The following LARGE1 variants were observed in gnomAD, a reference collection of about 807,000 sequenced individuals.
The protein encoded by LARGE1 is LARGE xylosyl- and glucuronyltransferase 1.
LARGE1 carries 43 observed loss-of-function variants against 87.6 expected under a neutral mutation model. The observed-to-expected ratio is 0.49, with a 90% CI of 0.38 to 0.63. LARGE1 has a LOEUF of 0.63. Among genes scored for constraint, LARGE1 ranks in the 30% least tolerant of loss-of-function variants. LARGE1 has a pLI of 0.00. For synonymous variants in LARGE1, 434 were observed against 394.6 expected, an observed-to-expected ratio of 1.10 and a Z score of -1.18; for missense variants, 802 against 1,000.2, an observed-to-expected ratio of 0.80 and a Z score of 2.67.
At chr22:33,461,467 C>A (rs1423712690) in intron 6 of LARGE1, among the ~76,000 whole-genome samples, 7 of 151,826 alleles carry the variant, frequency 4.6e-5, no homozygotes, top group Admixed American at 4.6e-4. Flanking sequence ...AATGTTATGA[C>A]CTTTGGACAC....
intron 3 of LARGE1, among the ~76,000 whole-genome samples, chr22:33,645,319 C>T (rs2080573852): frequency 6.6e-6 from 1 of 152,092 alleles, no homozygotes; most frequent in Non-Finnish European, 1.5e-5. Flanking sequence ...CTTTGACAAA[C>T]CTGACAAAAA....
chr22:33,430,026 T>G (rs1326174364), intron 7 of LARGE1, among the ~76,000 whole-genome samples: 1 of 152,208 alleles, frequency 6.6e-6, no homozygotes. Context: ...CCCAGTCTCC[T>G]GCACAGACCT....
chr22:33,629,927 G>A (rs555128564), intron 3 of LARGE1, among the ~76,000 whole-genome samples: 6 of 152,250 alleles, frequency 3.9e-5, no homozygotes, highest in South Asian at 2.1e-4. Flanking sequence ...TGCTGTGCGC[G>A]GTGACTCATG....
chr22:33,203,145 AAGAG>A (rs202068561), intron 11 of LARGE1, among the ~76,000 whole-genome samples: 7 of 128,436 alleles, frequency 5.5e-5, no homozygotes, highest in South Asian at 2.6e-4. Context: ...ATGAGAGAGA[AAGAG>A]AGAGACAGAC....
At chr22:33,537,835 T>A (rs1255453478) in intron 6 of LARGE1, among the ~76,000 whole-genome samples, 1 of 152,118 alleles carries the variant, frequency 6.6e-6, no homozygotes, top group Non-Finnish European at 1.5e-5. Flanking sequence ...CCTCCCAAAG[T>A]GCTGGGATTA....
intron 6 of LARGE1, among the ~76,000 whole-genome samples, chr22:33,506,539 G>A (rs1009102971): frequency 1.3e-4 from 20 of 152,190 alleles, no homozygotes; most frequent in Non-Finnish European, 2.5e-4. Flanking sequence ...TCTTTCTTAC[G>A]TCAAAAGTGG....
At position 33,564,936 on chromosome 22, in the gene LARGE1, G is replaced by A; in HGVS notation, c.699C>T (p.Ala233=). The A allele has an allele frequency of 6.2e-7, 1 of 1,613,958 alleles. No homozygotes were observed. The highest frequency in any genetic ancestry group is 8.5e-7 in the Non-Finnish European group (1 of 1,179,822). The change falls in exon 6 of 15, where the codon GCC becomes GCT. Residue 233 remains alanine, a synonymous_variant. Coordinates refer to ENST00000397394, the MANE Select transcript of LARGE1 (RefSeq NM_133642.5). ...CAAGGACGATGACTCTCTCCAGGTT[G>A]GCAGGAAGAGTCTTGGTCAGGACAA... ...MKLVLTKTLP[A]NLERVIVLDT...
Position 33,872,523 on chromosome 22 carries a change from C to T in LARGE1, c.-83+47472G>A, listed in dbSNP as rs1165125761. Among the ~76,000 whole-genome samples the T allele has an allele frequency of 3.3e-5, 5 of 152,010 alleles. No homozygotes were observed. The East Asian group carries it at 7.7e-4, about 24-fold the overall frequency. On this transcript the variant is annotated intron_variant, in intron 1 of 14. Transcript: ENST00000397394. Reference sequence around the variant, plus strand: ...CCCATCATCACCACCAACACCGCCACCCCCCCAGCGACACACTAGCTGTGG... The same window carrying T: ...CCCATCATCACCACCAACACCGCCATCCCCCCAGCGACACACTAGCTGTGG...
intron 1 of LARGE1, among the ~76,000 whole-genome samples, chr22:33,782,821 C>T (rs537421643): frequency 3.3e-5 from 5 of 150,196 alleles, no homozygotes; most frequent in South Asian, 2.1e-4. Context: ...GCCAACATCA[C>T]GCCACTGCAC....
chr22:33,211,008 C>G (rs73885005), intron 11 of LARGE1, among the ~76,000 whole-genome samples: 4,588 of 152,282 alleles, frequency 0.03, 94 homozygotes, highest in Admixed American at 0.056. Context: ...CTGCATTGAG[C>G]AAGTCTATCG....
chr22:33,190,054 A>G (rs1482186670), intron 11 of LARGE1, among the ~76,000 whole-genome samples: 1 of 152,184 alleles, frequency 6.6e-6, no homozygotes, highest in Non-Finnish European at 1.5e-5. Flanking sequence ...AATATTTAAA[A>G]CTGACTTGAA....
chr22:33,371,332 C>T (rs187320726), intron 9 of LARGE1, among the ~76,000 whole-genome samples: 89 of 152,226 alleles, frequency 5.8e-4, no homozygotes, highest in African/African-American at 1.9e-3. Flanking sequence ...ATGGAAATAT[C>T]TTCGAAACTG....
chr22:33,239,477 C>T (rs1926401327), intron 11 of LARGE1, among the ~76,000 whole-genome samples: 1 of 151,576 alleles, frequency 6.6e-6, no homozygotes, highest in Non-Finnish European at 1.5e-5. Context: ...CCATATGTTT[C>T]CTCTGTGAAT....
intron 11 of LARGE1, among the ~76,000 whole-genome samples, chr22:33,263,285 C>T (rs1301764897): frequency 6.6e-6 from 1 of 152,226 alleles, no homozygotes; most frequent in Non-Finnish European, 1.5e-5. Context: ...CCTGCTGTAT[C>T]TCCCTATATA....
At chr22:33,140,130 A>T in the LARGE1 span, among the ~76,000 whole-genome samples, 2 of 152,076 alleles carry the variant, frequency 1.3e-5, no homozygotes, top group Non-Finnish European at 2.9e-5. Context: ...TGGTGGAAGA[A>T]CTCTGGGCTG....
At chr22:33,854,931 T>C (rs968137876) in intron 1 of LARGE1, among the ~76,000 whole-genome samples, 9 of 152,176 alleles carry the variant, frequency 5.9e-5, no homozygotes, top group Non-Finnish European at 1.2e-4. Context: ...TTATGGCTGA[T>C]TGCAGCATTA....
intron 11 of LARGE1, among the ~76,000 whole-genome samples, chr22:33,266,600 C>A (rs983960491): frequency 6.6e-6 from 1 of 151,704 alleles, no homozygotes; most frequent in African/African-American, 2.4e-5. Flanking sequence ...TCGTGCTTCC[C>A]ATTGCTGATT....
Position 33,300,996 on chromosome 22 carries a change from C to A in LARGE1, c.1730+3233G>T, listed in dbSNP as rs2267188. Among the ~76,000 whole-genome samples the A allele has an allele frequency of 4.6e-4, 70 of 152,180 alleles. 1 individual carries two copies. The East Asian group carries it at 0.013, about 28-fold the overall frequency. ...GGCCAATATTAATATCTTGACAGAGCTTGGGTACAGAATTTTATGGGAGAT... is the reference window on the plus strand; with the variant it reads ...GGCCAATATTAATATCTTGACAGAGATTGGGTACAGAATTTTATGGGAGAT... On this transcript the variant is annotated intron_variant, in intron 12 of 14. Coordinates refer to ENST00000397394, the MANE Select transcript of LARGE1 (RefSeq NM_133642.5).
intron 6 of LARGE1, among the ~76,000 whole-genome samples, chr22:33,513,130 T>TCCC (rs1438360579): frequency 6.6e-6 from 1 of 152,030 alleles, no homozygotes; most frequent in African/African-American, 2.4e-5. Flanking sequence ...TGACCATTAA[T>TCCC]CAAACCACTA....
Sources: gnomAD v4.1 joint callset for allele counts (sites outside exome capture counted in the v4.1 genomes callset) on GRCh38, gnomAD v4.1.1 for gene constraint, MANE v1.5 for transcripts, NCBI Gene and HGNC (gene_info 2026-07-23, HGNC 2026-07-21) for gene names.